Variants in GPRASP3 observed in about 807,000 individuals in gnomAD.
The protein encoded by GPRASP3 is G protein-coupled receptor associated sorting protein family member 3.
the GPRASP3 span, chrX:102,751,298 G>A: frequency 0.084 from 10,369 of 123,329 alleles, 414 homozygotes; most frequent in East Asian, 0.21. Flanking sequence ...GAGAAGGCAG[G>A]AAACGTTTTG....
the GPRASP3 span, among the ~76,000 whole-genome samples, chrX:102,724,058 T>C: frequency 1.8e-5 from 2 of 111,747 alleles, no homozygotes; most frequent in Non-Finnish European, 3.8e-5. Context: ...AGCACTTTTC[T>C]TGAGTTCTAC....
chrX:102,751,044 C>T, the GPRASP3 span: 1 of 128,981 alleles, frequency 7.8e-6, no homozygotes, highest in African/African-American at 3.2e-5. Context: ...TGTGTGTGCA[C>T]GTGCACGCTC....
chrX:102,731,345 C>T, the GPRASP3 span, among the ~76,000 whole-genome samples: 2 of 112,362 alleles, frequency 1.8e-5, no homozygotes, highest in Non-Finnish European at 3.8e-5. Context: ...CTTCAGGGGC[C>T]GGGCCCAGTG....
the GPRASP3 span, chrX:102,750,135 A>G: frequency 8.3e-7 from 1 of 1,210,597 alleles, no homozygotes; most frequent in East Asian, 3.0e-5. Context: ...CTTCCCCTGA[A>G]ATGAGAAAAA....
At chrX:102,730,498 A>G in the GPRASP3 span, among the ~76,000 whole-genome samples, 1 of 112,422 alleles carries the variant, frequency 8.9e-6, no homozygotes, top group Non-Finnish European at 1.9e-5. Flanking sequence ...ACATGTCTCA[A>G]TTGATTTAGA....
At chrX:102,737,398 A>G in the GPRASP3 span, among the ~76,000 whole-genome samples, 2 of 112,521 alleles carry the variant, frequency 1.8e-5, no homozygotes, top group Non-Finnish European at 3.8e-5. Context: ...AAGAGGTGGT[A>G]AGCAGTTTTT....
chrX:102,742,743 A>G, the GPRASP3 span, among the ~76,000 whole-genome samples: 1 of 111,672 alleles, frequency 9.0e-6, no homozygotes, highest in East Asian at 2.8e-4. Flanking sequence ...ACCTCCACTC[A>G]GAATCCCTTT....
chrX:102,731,418 T>C, the GPRASP3 span, among the ~76,000 whole-genome samples: 1 of 111,717 alleles, frequency 9.0e-6, no homozygotes, highest in Non-Finnish European at 1.9e-5. Context: ...GGTCAGGGGT[T>C]TGAGACCAGC....
At chrX:102,744,123 A>T in the GPRASP3 span, among the ~76,000 whole-genome samples, 1 of 111,860 alleles carries the variant, frequency 8.9e-6, no homozygotes, top group African/African-American at 3.3e-5. Flanking sequence ...AAGTTAGCTT[A>T]TAAGCCCAGG....
chrX:102,732,737 A>AT, the GPRASP3 span, among the ~76,000 whole-genome samples: 1 of 111,780 alleles, frequency 8.9e-6, no homozygotes, highest in Non-Finnish European at 1.9e-5. Flanking sequence ...AGCAAGAATA[A>AT]TTTTTTTTCA....
the GPRASP3 span, among the ~76,000 whole-genome samples, chrX:102,721,364 T>A: frequency 9.0e-6 from 1 of 111,436 alleles, no homozygotes; most frequent in African/African-American, 3.3e-5. Context: ...TTACTGGCAG[T>A]ATTCAGGCAG....
the GPRASP3 span, among the ~76,000 whole-genome samples, chrX:102,724,900 G>GGGCT: frequency 1.8e-5 from 2 of 110,637 alleles, no homozygotes; most frequent in Non-Finnish European, 3.8e-5. Context: ...TAAATATTAT[G>GGGCT]GGCTACTTTA....
chrX:102,723,359 T>C, the GPRASP3 span, among the ~76,000 whole-genome samples: 1 of 111,761 alleles, frequency 8.9e-6, no homozygotes, highest in Non-Finnish European at 1.9e-5. Context: ...AAAGCTAGGA[T>C]AGATACAAGG....
the GPRASP3 span, among the ~76,000 whole-genome samples, chrX:102,721,470 TG>T: frequency 9.0e-6 from 1 of 111,607 alleles, no homozygotes; most frequent in African/African-American, 3.3e-5. Flanking sequence ...TCCAGCTGGC[TG>T]GGGATGCAAG....
At chrX:102,724,751 G>T in the GPRASP3 span, among the ~76,000 whole-genome samples, 1 of 109,746 alleles carries the variant, frequency 9.1e-6, no homozygotes, top group Non-Finnish European at 1.9e-5. Flanking sequence ...GTGTGTGTGT[G>T]TGTATCCAAG....
At chrX:102,741,684 A>G in the GPRASP3 span, among the ~76,000 whole-genome samples, 2 of 111,971 alleles carry the variant, frequency 1.8e-5, no homozygotes, top group East Asian at 5.6e-4. Flanking sequence ...TGCCCCAATC[A>G]TGCCTGTCTA....
At chrX:102,738,118 G>A in the GPRASP3 span, among the ~76,000 whole-genome samples, 1 of 111,969 alleles carries the variant, frequency 8.9e-6, no homozygotes, top group South Asian at 3.8e-4. Context: ...TTCTTTTTAA[G>A]CCAAGCAGTT....
At chrX:102,751,949 ATT>A in the GPRASP3 span, 4,654 of 91,442 alleles carry the variant, frequency 0.051, 164 homozygotes, top group African/African-American at 0.14. Context: ...TCATACCTTA[ATT>A]TTTTTTTTTT....
the GPRASP3 span, among the ~76,000 whole-genome samples, chrX:102,747,198 G>A: frequency 8.9e-6 from 1 of 112,183 alleles, no homozygotes; most frequent in Non-Finnish European, 1.9e-5. Context: ...GGAGCTATGA[G>A]AGTTGGGAGA....
Sources: allele counts gnomAD v4.1 joint callset (sites outside exome capture counted in the v4.1 genomes callset), GRCh38; gene constraint gnomAD v4.1.1; transcripts MANE v1.5; gene names NCBI Gene and HGNC (gene_info 2026-07-23, HGNC 2026-07-21).